MRC1: variants seen among roughly 807,000 people sequenced by gnomAD.
MRC1 encodes the protein mannose receptor C-type 1.
MRC1 carries 62 observed loss-of-function variants against 102.9 expected under a neutral mutation model. The observed-to-expected ratio is 0.60, with a 90% CI of 0.49 to 0.74. The LOEUF is 0.74. Ranked by LOEUF, MRC1 falls within the 30% of genes least tolerant of loss-of-function variation. The pLI, the probability that MRC1 is intolerant of heterozygous loss-of-function variation, is 0.00. For missense variants in MRC1, 1,237 were observed against 862.8 expected, an observed-to-expected ratio of 1.43 and a Z score of -5.43; for synonymous variants, 457 against 298.4, an observed-to-expected ratio of 1.53 and a Z score of -5.48.
At chr10:17,906,249 T>C (rs1287185430) in intron 26 of MRC1, among the ~76,000 whole-genome samples, 1 of 151,912 alleles carries the variant, frequency 6.6e-6, no homozygotes, top group Non-Finnish European at 1.5e-5. Context: ...ATCACCACAT[T>C]GCTCTTAATA....
chr10:17,879,198 G>C (rs1833478921), intron 18 of MRC1, among the ~76,000 whole-genome samples: 1 of 152,130 alleles, frequency 6.6e-6, no homozygotes, highest in Non-Finnish European at 1.5e-5. Flanking sequence ...TTCCTGGGAG[G>C]GAAAAGAAGG....
chr10:17,855,520 A>C (rs940474941), intron 8 of MRC1, among the ~76,000 whole-genome samples: 8 of 148,952 alleles, frequency 5.4e-5, no homozygotes, highest in Non-Finnish European at 1.0e-4. Flanking sequence ...GCAGTGAGCC[A>C]AGATCAGAGC....
At chr10:17,841,052 T>C (rs1440850792) in intron 5 of MRC1, among the ~76,000 whole-genome samples, 1 of 152,212 alleles carries the variant, frequency 6.6e-6, no homozygotes, top group Non-Finnish European at 1.5e-5. Context: ...AAGGTCTCTG[T>C]TTAAAGTTTC....
chr10:17,876,278 T>G (rs941097035), intron 17 of MRC1, among the ~76,000 whole-genome samples: 56 of 151,692 alleles, frequency 3.7e-4, no homozygotes, highest in African/African-American at 1.2e-3. Flanking sequence ...GACAGTGTCT[T>G]GCTCTGTCGC....
chr10:17,906,484 G>A (rs981251282), intron 26 of MRC1, among the ~76,000 whole-genome samples: 9,876 of 151,672 alleles, frequency 0.065, 1,070 homozygotes, highest in African/African-American at 0.23. Context: ...CTGAAATTCT[G>A]TTTCCTCTAT....
intron 1 of MRC1, among the ~76,000 whole-genome samples, chr10:17,813,045 C>T (rs534651639): frequency 6.6e-6 from 1 of 152,166 alleles, no homozygotes; most frequent in African/African-American, 2.4e-5. Context: ...GAATCATAGA[C>T]CATTAAAGCA....
At chr10:17,823,680 T>A (rs993974747) in intron 2 of MRC1, among the ~76,000 whole-genome samples, 2 of 152,230 alleles carry the variant, frequency 1.3e-5, no homozygotes, top group Non-Finnish European at 2.9e-5. Context: ...GAATGATACT[T>A]CAGCTATTTT....
At chr10:17,857,411 A>G (rs1833109034) in intron 9 of MRC1, among the ~76,000 whole-genome samples, 1 of 152,166 alleles carries the variant, frequency 6.6e-6, no homozygotes, top group African/African-American at 2.4e-5. Flanking sequence ...AAAATAACAA[A>G]CCTTACATTT....
At chr10:17,894,132 T>A (rs1304311132) in intron 22 of MRC1, 78 bp from the exon 23 acceptor site, 1 of 845,748 alleles carries the variant, frequency 1.2e-6, no homozygotes, top group Non-Finnish European at 2.1e-6. Context: ...ATGAAAGATT[T>A]TTTTGCTTAT....
Position 17,894,361 on chromosome 10 carries a change from T to C in MRC1, c.3250+49T>C, listed in dbSNP as rs897162956. The C allele has an allele frequency of 1.4e-3, 1,170 of 835,390 alleles. 4 individuals carry two copies. The highest frequency in any genetic ancestry group is 1.8e-3 in the Non-Finnish European group (880 of 478,240). 51.7% of individuals were successfully genotyped at this position (835,390 alleles called of 1,614,324 possible). A position where few individuals can be genotyped will look rare whatever the true frequency, so the allele number is the denominator to read the frequency against. ...TCCTGAAAGAGCTGGGGTTTTTTTT[T>C]CCCCACTTTTTTCTTTCTTTCTTTC... On this transcript the variant is annotated intron_variant, in intron 23 of 29. Coordinates refer to ENST00000569591, the MANE Select transcript of MRC1 (RefSeq NM_002438.4).
chr10:17,860,549 G>T (rs554569837), intron 9 of MRC1, among the ~76,000 whole-genome samples: 4 of 152,116 alleles, frequency 2.6e-5, no homozygotes, highest in African/African-American at 9.7e-5. Context: ...AAGTGCTGGC[G>T]TTACAGGCAT....
intron 9 of MRC1, among the ~76,000 whole-genome samples, chr10:17,860,478 A>G (rs1019755135): frequency 3.3e-5 from 5 of 151,902 alleles, no homozygotes; most frequent in Non-Finnish European, 5.9e-5. Context: ...GGGACTCACT[A>G]TGTTGCCCAG....
intron 9 of MRC1, among the ~76,000 whole-genome samples, chr10:17,859,394 C>A (rs1031576743): frequency 6.6e-6 from 1 of 152,044 alleles, no homozygotes; most frequent in Non-Finnish European, 1.5e-5. Context: ...CTCGGCTCAG[C>A]GCAACCTCTA....
rs1315190130 is a variant in MRC1, at chr10:17,900,341, G to A, written c.3484-447G>A. ...TACCATTGGTGCTGTTTCAACAACA[G>A]AATAATGAGAAGATATGAAGAGATG... On this transcript the variant is annotated intron_variant, in intron 24 of 29. Coordinates refer to ENST00000569591, the MANE Select transcript of MRC1 (RefSeq NM_002438.4). Among the ~76,000 whole-genome samples, 6 of 152,090 alleles carry A rather than the reference G, an allele frequency of 3.9e-5. No homozygotes were observed. The South Asian group carries it at 1.2e-3, about 32-fold the overall frequency.
chr10:17,910,198 AT>A lies in MRC1; in HGVS notation c.4121-13del, dbSNP rs1209261614. ...GCCTCCCTCCACGTTTTCCATAATG[AT>A]TTTATTTATTTATAGCTGACACAAG... On this transcript the variant is annotated splice_polypyrimidine_tract_variant and intron_variant, in intron 29 of 29. Transcript: ENST00000569591. The A allele has an allele frequency of 1.0e-5, 8 of 780,528 alleles. No homozygotes were observed. The highest frequency in any genetic ancestry group is 1.4e-5 in the Non-Finnish European group (6 of 417,954). 48.4% of individuals were successfully genotyped at this position (780,528 alleles called of 1,614,324 possible).
At chr10:17,825,746 G>A (rs1838465609) in intron 2 of MRC1, among the ~76,000 whole-genome samples, 1 of 152,100 alleles carries the variant, frequency 6.6e-6, no homozygotes, top group South Asian at 2.1e-4. Context: ...AATAAAATAA[G>A]TAAATAAAGC....
chr10:17,838,713 C>A (rs995991589), intron 4 of MRC1, among the ~76,000 whole-genome samples: 1 of 152,106 alleles, frequency 6.6e-6, no homozygotes, highest in Admixed American at 6.5e-5. Flanking sequence ...GTGGCTCACG[C>A]CTGTAACCCC....
intron 21 of MRC1, among the ~76,000 whole-genome samples, chr10:17,884,122 G>A (rs1212732497): frequency 2.6e-5 from 4 of 152,046 alleles, no homozygotes; most frequent in African/African-American, 9.7e-5. Flanking sequence ...GCATGACACC[G>A]ATGCTTTGTT....
rs1193211229 is a variant in MRC1 at position 17,846,242 on chromosome 10, GA to G, written c.1063+818del. 5.5e-3 allele frequency among the ~76,000 whole-genome samples: 796 copies of G among 144,966 alleles called. 8 individuals are homozygous for G. The highest frequency in any genetic ancestry group is 0.017 in the African/African-American group (676 of 39,772). On this transcript the variant is annotated intron_variant, in intron 6 of 29. Transcript: ENST00000569591. ...ATTTTAAATATCGGCTAGACTTCAA[GA>G]AAAAAAAAAATCAATTGTGTTGTCC... is the stretch of plus-strand genomic sequence containing the variant.
Sources: gnomAD v4.1 joint callset for allele counts (sites outside exome capture counted in the v4.1 genomes callset) on GRCh38, gnomAD v4.1.1 for gene constraint, MANE v1.5 for transcripts, NCBI Gene and HGNC (gene_info 2026-07-23, HGNC 2026-07-21) for gene names.